The following ACACA variants were observed in gnomAD, a reference collection of about 807,000 sequenced individuals.
ACACA encodes the protein acetyl-CoA carboxylase alpha, also known as acetyl-CoA carboxylase 1.
In ACACA, 103 loss-of-function variants were observed where a neutral mutation model predicts 296.1. The ratio of observed to expected loss-of-function variants is 0.35; its 90% CI spans 0.30 to 0.41. The LOEUF (loss-of-function observed/expected upper bound fraction) is 0.41. Among genes scored for constraint, ACACA ranks in the 10% least tolerant of loss-of-function variants. ACACA has a pLI of 1.00. For missense variants in ACACA, 1,554 were observed against 2,989.7 expected (o/e 0.52, Z 11.20); for synonymous variants, 953 against 1,038.6 (o/e 0.92, Z 1.58).
intron 3 of ACACA, among the ~76,000 whole-genome samples, chr17:37,328,459 G>A (rs1392995716): frequency 6.6e-6 from 1 of 152,044 alleles, no homozygotes; most frequent in Non-Finnish European, 1.5e-5. Flanking sequence ...AAAGTGTTAG[G>A]CTAAATTATC....
intron 1 of ACACA, among the ~76,000 whole-genome samples, chr17:37,348,229 T>C (rs1002339851): frequency 3.3e-5 from 5 of 151,470 alleles, no homozygotes; most frequent in South Asian, 2.1e-4. Context: ...AGAAGGTCCA[T>C]ATCTAAGTAA....
At position 37,099,542 on chromosome 17, in the gene ACACA, G is replaced by A. The variant is rs1449463762; in HGVS notation, c.6566-1558C>T. Reference sequence around the variant, plus strand: ...GAGGGCTGATGGGAGGAGGGCTGATGGCGGGAGGGCTGATGGCAGGAGGGC... The same window carrying A: ...GAGGGCTGATGGGAGGAGGGCTGATAGCGGGAGGGCTGATGGCAGGAGGGC... On this transcript the variant is annotated intron_variant, in intron 52 of 55. Coordinates refer to ENST00000616317, the MANE Select transcript of ACACA (RefSeq NM_198834.3). Among the ~76,000 whole-genome samples the A allele has an allele frequency of 7.0e-4, 99 of 142,328 alleles. 3 individuals are homozygous for A. Among genetic ancestry groups the A allele is most frequent in the Middle Eastern group, 3.8e-3 (1 of 266 alleles). The allele number at this position is 142,328 out of a possible 152,430, so 93.4% of individuals were successfully genotyped here.
At chr17:37,270,895 C>T in intron 9 of ACACA, 34 bp from the exon 10 acceptor site, 1 of 1,542,670 alleles carries the variant, frequency 6.5e-7, no homozygotes, top group Non-Finnish European at 9.0e-7. Context: ...ATAGAAGAAA[C>T]AGTGTTATTA....
At chr17:37,260,277 TATATA>T (rs2081415138) in intron 11 of ACACA, among the ~76,000 whole-genome samples, 6 of 31,848 alleles carry the variant, frequency 1.9e-4, no homozygotes, top group African/African-American at 5.8e-4. Flanking sequence ...TATATATATA[TATATA>T]TATATATATA....
At chr17:37,263,167 G>GATGTAGA (rs2081592976) in intron 11 of ACACA, among the ~76,000 whole-genome samples, 1 of 152,178 alleles carries the variant, frequency 6.6e-6, no homozygotes, top group African/African-American at 2.4e-5. Context: ...GACTGGGTTA[G>GATGTAGA]GACTCCAGAA....
Position 37,173,260 on chromosome 17 carries a change from A to G in ACACA, c.5079+6000T>C, listed in dbSNP as rs575596389. On this transcript the variant is annotated intron_variant, in intron 41 of 55. Transcript: ENST00000616317. ...ATGCTTTCCACTAGAATCTGAGTCC[A>G]GGATAACCCAAGCAATTCCTTTGAG... Among the ~76,000 whole-genome samples the G allele has an allele frequency of 4.6e-5, 7 of 152,336 alleles. No homozygotes were observed. The South Asian group carries it at 1.4e-3, about 32-fold the overall frequency.
intron 41 of ACACA, among the ~76,000 whole-genome samples, chr17:37,167,608 C>T (rs376739251): frequency 6.6e-6 from 1 of 150,866 alleles, no homozygotes; most frequent in African/African-American, 2.4e-5. Context: ...CACGAGCCAC[C>T]GCGCCCAGCC....
intron 33 of ACACA, among the ~76,000 whole-genome samples, chr17:37,201,717 C>A (rs2145279487): frequency 6.6e-6 from 1 of 152,304 alleles, no homozygotes; most frequent in African/African-American, 2.4e-5. Flanking sequence ...TCACAGCCTA[C>A]ATCCAGACTT....
At chr17:37,389,744 G>T (rs2147792940) in intron 1 of ACACA, among the ~76,000 whole-genome samples, 1 of 151,982 alleles carries the variant, frequency 6.6e-6, no homozygotes, top group East Asian at 1.9e-4. Context: ...ATAAGTGCTA[G>T]GAGATTCGTC....
At chr17:37,089,844 C>T (rs1365975875) in intron 54 of ACACA, among the ~76,000 whole-genome samples, 1 of 152,180 alleles carries the variant, frequency 6.6e-6, no homozygotes, top group Admixed American at 6.5e-5. Flanking sequence ...TCTCCTTGCT[C>T]TCTTCTCCTC....
intron 1 of ACACA, among the ~76,000 whole-genome samples, chr17:37,349,121 C>T (rs1235018669): frequency 1.3e-5 from 2 of 150,704 alleles, no homozygotes; most frequent in African/African-American, 4.8e-5. Context: ...AGTGCAGTGG[C>T]GTGATCGCCG....
At chr17:37,252,787 T>A in intron 15 of ACACA, 99 bp downstream of exon 15, 1 of 1,514,080 alleles carries the variant, frequency 6.6e-7, no homozygotes, top group Non-Finnish European at 9.1e-7. Flanking sequence ...TCAAGAACCA[T>A]TTACATTAGA....
chr17:37,347,433 C>T (rs954778298), intron 1 of ACACA, among the ~76,000 whole-genome samples: 3 of 152,086 alleles, frequency 2.0e-5, no homozygotes, highest in African/African-American at 7.2e-5. Flanking sequence ...GTAGCTGGGA[C>T]TACGCACACA....
chr17:37,359,045 T>A (rs2049279420), intron 1 of ACACA: 4 of 985,890 alleles, frequency 4.1e-6, no homozygotes, highest in Non-Finnish European at 4.8e-6. Context: ...AGCCCCTGCG[T>A]GGAGGAACTG....
intron 50 of ACACA, among the ~76,000 whole-genome samples, chr17:37,114,767 T>A (rs1357735700): frequency 1.3e-5 from 2 of 152,192 alleles, no homozygotes; most frequent in East Asian, 3.8e-4. Context: ...CCACAATGGA[T>A]CCTTTCTAAA....
At chr17:37,348,579 G>T (rs1015174305) in intron 1 of ACACA, among the ~76,000 whole-genome samples, 1 of 152,052 alleles carries the variant, frequency 6.6e-6, no homozygotes, top group African/African-American at 2.4e-5. Context: ...GACACAATAG[G>T]TTGCTGATCA....
chr17:37,277,159 AC>A, intron 6 of ACACA, 45 bp from the exon 7 acceptor site: 2 of 1,529,382 alleles, frequency 1.3e-6, no homozygotes, highest in Non-Finnish European at 1.8e-6. Context: ...TTCATACAAA[AC>A]CCCCACAAAC....
chr17:37,268,363 T>C (rs996786199), intron 10 of ACACA, among the ~76,000 whole-genome samples: 3 of 152,204 alleles, frequency 2.0e-5, no homozygotes, highest in Non-Finnish European at 4.4e-5. Flanking sequence ...AACATCTTGC[T>C]TAAATCAGAG....
intron 23 of ACACA, among the ~76,000 whole-genome samples, chr17:37,240,847 C>G (rs1026207979): frequency 7.9e-5 from 12 of 152,134 alleles, no homozygotes; most frequent in Non-Finnish European, 1.5e-4. Context: ...TATTACCATA[C>G]TCTTGAAATG....
Sources: gnomAD v4.1 joint callset for allele counts (sites outside exome capture counted in the v4.1 genomes callset) on GRCh38, gnomAD v4.1.1 for gene constraint, MANE v1.5 for transcripts, NCBI Gene and HGNC (gene_info 2026-07-23, HGNC 2026-07-21) for gene names.